LUZP2: variants seen among roughly 807,000 people sequenced by gnomAD.
The protein encoded by LUZP2 is leucine zipper protein 2.
Under a neutral mutation model 51.6 loss-of-function variants are expected in LUZP2, and 52 were observed. That is an observed-to-expected ratio of 1.01 (90% CI 0.81 to 1.27). The LOEUF is 1.27. Ranked by LOEUF, LUZP2 falls within the 50% of genes most tolerant of loss-of-function variation. The probability of loss-of-function intolerance (pLI) is 0.00; values close to 1 mark genes in which losing one functional copy is unlikely to be tolerated. For missense variants in LUZP2, 436 were observed against 395.4 expected (o/e 1.10, Z -0.87); for synonymous variants, 154 against 137.3 (o/e 1.12, Z -0.85).
intron 4 of LUZP2, among the ~76,000 whole-genome samples, chr11:24,761,008 A>G (rs1859958603): frequency 6.6e-6 from 1 of 152,212 alleles, no homozygotes; most frequent in African/African-American, 2.4e-5. Flanking sequence ...CAAATCTCCC[A>G]AGGAAAATCC....
chr11:24,562,442 G>T (rs1912144), intron 1 of LUZP2, among the ~76,000 whole-genome samples: 63,068 of 151,070 alleles, frequency 0.42, 13,676 homozygotes, highest in Middle Eastern at 0.51. Flanking sequence ...TTCAATAGTA[G>T]ATTCTGTTCC....
chr11:24,502,875 A>C (rs11027955), intron 1 of LUZP2, among the ~76,000 whole-genome samples: 5,073 of 152,344 alleles, frequency 0.033, 199 homozygotes, highest in African/African-American at 0.09. Flanking sequence ...GTCAAGGAAT[A>C]AAAGTGGAAG....
chr11:25,031,442 G>A (rs1857683449), intron 9 of LUZP2, among the ~76,000 whole-genome samples: 1 of 152,068 alleles, frequency 6.6e-6, no homozygotes, highest in Non-Finnish European at 1.5e-5. Flanking sequence ...ATGTGGTGTT[G>A]CCTTTATGTC....
At chr11:24,752,533 T>A (rs973802764) in intron 4 of LUZP2, among the ~76,000 whole-genome samples, 1 of 152,212 alleles carries the variant, frequency 6.6e-6, no homozygotes, top group Non-Finnish European at 1.5e-5. Context: ...AATTTAGTTT[T>A]TCCTTTAGGA....
At chr11:24,604,337 A>G (rs1853840465) in intron 1 of LUZP2, among the ~76,000 whole-genome samples, 1 of 151,874 alleles carries the variant, frequency 6.6e-6, no homozygotes, top group Non-Finnish European at 1.5e-5. Flanking sequence ...AAGATATAAT[A>G]TGATCCAAGT....
intron 1 of LUZP2, among the ~76,000 whole-genome samples, chr11:24,638,241 T>C (rs1855169091): frequency 6.6e-6 from 1 of 151,818 alleles, no homozygotes; most frequent in South Asian, 2.1e-4. Context: ...AAATATAGAC[T>C]TTCTTTAAAA....
At chr11:24,991,392 G>GTATATATATATATATATATA (rs770909829) in intron 9 of LUZP2, among the ~76,000 whole-genome samples, 17 of 104,538 alleles carry the variant, frequency 1.6e-4, no homozygotes, top group South Asian at 3.1e-4. Context: ...GTGTGTGTGT[G>GTATATATATATATATATATA]TGTGTATATA....
Position 25,078,534 on chromosome 11 carries a change from T to C in LUZP2, c.937-20T>C. 1 of 1,573,296 alleles carries C rather than the reference T, an allele frequency of 6.4e-7. No individual in the cohort carries two copies. Among genetic ancestry groups the C allele is most frequent in the Non-Finnish European group, 8.7e-7 (1 of 1,148,588 alleles). The stretch of plus-strand genomic sequence containing the variant: ...TGTTATTTTGATTCTTCGAATTGTC[T>C]TTTCTGTATTGTTTAACAGAAATTG... On this transcript the variant is annotated intron_variant, in intron 11 of 11. Coordinates refer to ENST00000336930, the MANE Select transcript of LUZP2 (RefSeq NM_001009909.4).
intron 7 of LUZP2, among the ~76,000 whole-genome samples, chr11:24,970,328 T>C (rs959804764): frequency 6.6e-6 from 1 of 152,176 alleles, no homozygotes; most frequent in Admixed American, 6.6e-5. Flanking sequence ...ATAAACCTGA[T>C]ATGTCTTTAA....
chr11:24,933,108 T>A (rs1854500623), intron 7 of LUZP2, among the ~76,000 whole-genome samples: 1 of 152,226 alleles, frequency 6.6e-6, no homozygotes, highest in South Asian at 2.1e-4. Context: ...AGTGAGGATG[T>A]GTGTTCAGGG....
chr11:24,992,663 A>G (rs1420695582), intron 9 of LUZP2, among the ~76,000 whole-genome samples: 1 of 152,122 alleles, frequency 6.6e-6, no homozygotes, highest in African/African-American at 2.4e-5. Context: ...CCCAATACCT[A>G]AAAATTTTCT....
intron 1 of LUZP2, among the ~76,000 whole-genome samples, chr11:24,650,986 T>C (rs1330812632): frequency 1.3e-5 from 2 of 152,100 alleles, no homozygotes; most frequent in African/African-American, 2.4e-5. Context: ...TTAATAACTG[T>C]TAGTGCCTTC....
Position 24,497,176 on chromosome 11 carries a change from G to C in LUZP2, c.-68G>C. On this transcript the variant is annotated 5_prime_UTR_variant, in exon 1 of 12. Transcript: ENST00000336930. Reference sequence around the variant, plus strand: ...GGCTGGGGACAGAGCCGGGCACCAAGGAGCGACAGGATCCCGAAGAGAGAG... The same window carrying C: ...GGCTGGGGACAGAGCCGGGCACCAACGAGCGACAGGATCCCGAAGAGAGAG... The C allele has an allele frequency of 2.1e-6, 3 of 1,421,374 alleles. No homozygotes were observed. Among genetic ancestry groups the C allele is most frequent in the Non-Finnish European group, 2.8e-6 (3 of 1,054,086 alleles). 88.0% of individuals were successfully genotyped at this position (1,421,374 alleles called of 1,614,324 possible). A position where few individuals can be genotyped will look rare whatever the true frequency, so the allele number is the denominator to read the frequency against.
chr11:24,538,469 G>T (rs1449675365), intron 1 of LUZP2, among the ~76,000 whole-genome samples: 2 of 151,380 alleles, frequency 1.3e-5, no homozygotes, highest in African/African-American at 2.4e-5. Flanking sequence ...TTCTTCCTGG[G>T]GTGATAAAAG....
chr11:24,711,580 G>A (rs929464158), intron 1 of LUZP2, among the ~76,000 whole-genome samples: 10 of 152,040 alleles, frequency 6.6e-5, no homozygotes, highest in Non-Finnish European at 1.0e-4. Flanking sequence ...GAGTTGTCTC[G>A]CTCAACGTAT....
At chr11:24,608,471 G>T (rs764125871) in intron 1 of LUZP2, among the ~76,000 whole-genome samples, 1 of 152,176 alleles carries the variant, frequency 6.6e-6, no homozygotes, top group Non-Finnish European at 1.5e-5. Context: ...TTCTGGTAAA[G>T]ATATGACAGG....
intron 1 of LUZP2, among the ~76,000 whole-genome samples, chr11:24,689,715 T>A (rs1857009407): frequency 6.6e-6 from 1 of 152,148 alleles, no homozygotes. Flanking sequence ...ATTTCCCCCA[T>A]GTTATATGCC....
intron 5 of LUZP2, among the ~76,000 whole-genome samples, chr11:24,851,444 G>A (rs1750021156): frequency 6.6e-6 from 1 of 152,144 alleles, no homozygotes; most frequent in African/African-American, 2.4e-5. Context: ...TGCATCCCAG[G>A]GATGAAGCCG....
At chr11:24,855,533 A>G (rs1015780476) in intron 5 of LUZP2, among the ~76,000 whole-genome samples, 1 of 152,226 alleles carries the variant, frequency 6.6e-6, no homozygotes, top group African/African-American at 2.4e-5. Context: ...TAAAATGGCA[A>G]TAGTGTACAA....
Sources: gnomAD v4.1 joint callset for allele counts (sites outside exome capture counted in the v4.1 genomes callset) on GRCh38, gnomAD v4.1.1 for gene constraint, MANE v1.5 for transcripts, NCBI Gene and HGNC (gene_info 2026-07-23, HGNC 2026-07-21) for gene names.